Variants in NUP210L observed in about 807,000 individuals in gnomAD.
NUP210L encodes nucleoporin 210 like.
A neutral mutation model predicts 208.5 loss-of-function variants in NUP210L; 74 were observed. The ratio of observed to expected loss-of-function variants is 0.35; its 90% CI spans 0.29 to 0.43. The LOEUF (loss-of-function observed/expected upper bound fraction) is 0.43, where lower values mean the gene tolerates loss of function less well. NUP210L is among the 20% of genes least tolerant of loss of function. The pLI, the probability that NUP210L is intolerant of heterozygous loss-of-function variation, is 1.00. For synonymous variants in NUP210L, 780 were observed against 816.9 expected (o/e 0.95, Z 0.77); for missense variants, 1,843 against 2,289.4 (o/e 0.81, Z 3.98).
rs1421862889 is a variant in NUP210L at position 154,058,495 on chromosome 1, T to C, written c.2979+70A>G. ...ACACACACAGTAGCTGAGCAGAGACTATATTAAGGAATGCTGGGTAGTGAG... is the reference window on the plus strand; with the variant it reads ...ACACACACAGTAGCTGAGCAGAGACCATATTAAGGAATGCTGGGTAGTGAG... On this transcript the variant is annotated intron_variant, in intron 21 of 39. Transcript: ENST00000368559. The C allele has an allele frequency of 2.6e-6, 4 of 1,525,802 alleles. No individual in the cohort carries two copies. The East Asian group carries it at 9.0e-5, about 34-fold the overall frequency. 94.5% of individuals were successfully genotyped at this position (1,525,802 alleles called of 1,614,324 possible). A position where few individuals can be genotyped will look rare whatever the true frequency, so the allele number is the denominator to read the frequency against.
At chr1:154,058,016 A>C (rs1339370069) in intron 22 of NUP210L, 73 bp downstream of exon 22, 11 of 1,518,976 alleles carry the variant, frequency 7.2e-6, no homozygotes. Flanking sequence ...GGTAAGGGAA[A>C]GCTGACCAGG....
In NUP210L at chr1:154,149,087, C is replaced by CTTTTTTTTTTTTTTTTT. The variant is rs770217261; in HGVS notation, c.340+3648_340+3649insAAAAAAAAAAAAAAAAA. Among the ~76,000 whole-genome samples, 786 of 119,064 alleles carry CTTTTTTTTTTTTTTTTT rather than the reference C, an allele frequency of 6.6e-3. 44 individuals carry two copies. Among genetic ancestry groups the CTTTTTTTTTTTTTTTTT allele is most frequent in the Non-Finnish European group, 8.4e-3 (492 of 58,272 alleles). The allele number at this position is 119,064 out of a possible 152,430, so 78.1% of individuals were successfully genotyped here. ...ACTACTTCAACAGCAGAAAACTTCT[C>CTTTTTTTTTTTTTTTTT]TTTTTTTTTTTTCCTGAGAAGGAGT... is the stretch of plus-strand genomic sequence containing the variant. On this transcript the variant is annotated intron_variant, in intron 2 of 39. Transcript: ENST00000368559.
chr1:154,057,021 C>T, intron 22 of NUP210L, 74 bp from the exon 23 acceptor site: 1 of 1,473,316 alleles, frequency 6.8e-7, no homozygotes, highest in Non-Finnish European at 9.3e-7. Flanking sequence ...CTCTGTCGCC[C>T]AGGCTGGAGT....
At chr1:154,153,435 G>T (rs546273404) in intron 1 of NUP210L, among the ~76,000 whole-genome samples, 3 of 152,048 alleles carry the variant, frequency 2.0e-5, no homozygotes, top group Non-Finnish European at 4.4e-5. Flanking sequence ...TCAGCCTCTC[G>T]AGTAGCTGAG....
intron 27 of NUP210L, among the ~76,000 whole-genome samples, chr1:154,042,126 G>T (rs1652919549): frequency 6.6e-6 from 1 of 151,578 alleles, no homozygotes; most frequent in Non-Finnish European, 1.5e-5. Context: ...CTGAGACAGG[G>T]TCTCACTCTG....
At chr1:154,007,065 C>G (rs149762781) in intron 35 of NUP210L, among the ~76,000 whole-genome samples, 6 of 139,306 alleles carry the variant, frequency 4.3e-5, no homozygotes, top group Non-Finnish European at 7.7e-5. Flanking sequence ...CTATTTCAAT[C>G]GATTCTCCTG....
intron 13 of NUP210L, 97 bp downstream of exon 13, chr1:154,103,915 C>T: frequency 1.1e-6 from 1 of 921,122 alleles, no homozygotes; most frequent in Non-Finnish European, 1.6e-6. Context: ...TTGTTGATTG[C>T]TTCCTTAAAG....
intron 2 of NUP210L, among the ~76,000 whole-genome samples, chr1:154,150,727 CAAAA>C (rs1156928758): frequency 1.5e-4 from 6 of 39,666 alleles, no homozygotes; most frequent in Non-Finnish European, 5.7e-5. Context: ...GACTCCATCT[CAAAA>C]AAAAAAAAAA....
At chr1:154,075,681 T>C (rs1654996127) in intron 16 of NUP210L, among the ~76,000 whole-genome samples, 1 of 152,094 alleles carries the variant, frequency 6.6e-6, no homozygotes, top group Non-Finnish European at 1.5e-5. Context: ...CAAAAGATTA[T>C]TAGAAATGTA....
In NUP210L at chr1:154,056,773, A is replaced by T. The variant is rs756441829; in HGVS notation, c.3240+42T>A. The T allele has an allele frequency of 5.2e-6, 8 of 1,535,492 alleles. No homozygotes were observed. In the African/African-American group the frequency reaches 1.1e-4, roughly 22 times the overall value. Reference sequence around the variant, plus strand: ...TAACAGAAAAAGACAAATGATGTTAAGCAAGAAAAAGTACAAATTTTGGAT... The same window carrying T: ...TAACAGAAAAAGACAAATGATGTTATGCAAGAAAAAGTACAAATTTTGGAT... On this transcript the variant is annotated intron_variant, in intron 23 of 39. Transcript: ENST00000368559.
intron 35 of NUP210L, among the ~76,000 whole-genome samples, 153 bp downstream of exon 35, chr1:154,009,819 G>T (rs1650798851): frequency 6.7e-6 from 1 of 149,550 alleles, no homozygotes. Flanking sequence ...AGAAAAAAGA[G>T]TTGAACGGGT....
Position 154,117,723 on chromosome 1 carries a change from AC to A in NUP210L, c.1620+1del. 1.7e-5 allele frequency: 23 copies of A among 1,362,612 alleles called. No individual in the cohort carries two copies. Among genetic ancestry groups the A allele is most frequent in the Middle Eastern group, 1.9e-4 (1 of 5,214 alleles). The allele number at this position is 1,362,612 out of a possible 1,614,324, so 84.4% of individuals were successfully genotyped here. ...AATAAGAATATCTGGAGAGTCGTTT[AC>A]CTTAATTTCTCCATATCGAAAGGGA... On this transcript the variant is annotated splice_donor_variant, in intron 12 of 39. Coordinates refer to ENST00000368559, the Ensembl canonical transcript of NUP210L. LOFTEE classifies it high-confidence loss of function.
intron 23 of NUP210L, among the ~76,000 whole-genome samples, chr1:154,056,189 T>C (rs1326078060): frequency 3.3e-5 from 5 of 152,246 alleles, no homozygotes; most frequent in African/African-American, 9.6e-5. Flanking sequence ...TATCATTCTG[T>C]CACCCAGACT....
chr1:154,115,325 T>C (rs1237688674), intron 12 of NUP210L, among the ~76,000 whole-genome samples: 1 of 152,224 alleles, frequency 6.6e-6, no homozygotes, highest in African/African-American at 2.4e-5. Flanking sequence ...TTTAGACTTA[T>C]TGAGGCTACA....
rs901598171 is a variant in NUP210L, at chr1:154,000,756, G to A, written c.5386+100C>T. 3.0e-6 allele frequency: 3 copies of A among 1,004,962 alleles called. No homozygotes were observed. In the African/African-American group the frequency reaches 4.8e-5, roughly 16 times the overall value. The allele number at this position is 1,004,962 out of a possible 1,614,324, so 62.3% of individuals were successfully genotyped here. A position where few individuals can be genotyped will look rare whatever the true frequency, so the allele number is the denominator to read the frequency against. On this transcript the variant is annotated intron_variant, in intron 37 of 39. Transcript: ENST00000368559. ...TTTTTGGACCGTGGTTGACAGTTAAGTGAAATGCGGAAAGCAAAACTGCAG... is the reference window on the plus strand; with the variant it reads ...TTTTTGGACCGTGGTTGACAGTTAAATGAAATGCGGAAAGCAAAACTGCAG...
chr1:154,075,311 C>G (rs1172521753), intron 16 of NUP210L, among the ~76,000 whole-genome samples: 1 of 152,090 alleles, frequency 6.6e-6, no homozygotes, highest in African/African-American at 2.4e-5. Flanking sequence ...GACATACCCA[C>G]GTATACATAT....
At chr1:154,122,678 C>T (rs964953667) in intron 10 of NUP210L, among the ~76,000 whole-genome samples, 2 of 152,052 alleles carry the variant, frequency 1.3e-5, no homozygotes, top group African/African-American at 4.8e-5. Context: ...CAGAAAATAA[C>T]AAGTGTTGAC....
At chr1:154,118,831 G>C in intron 10 of NUP210L, 23 bp from the exon 11 acceptor site, 1 of 1,439,678 alleles carries the variant, frequency 6.9e-7, no homozygotes, top group Non-Finnish European at 9.6e-7. Flanking sequence ...GAAAAAAGGA[G>C]CAAAATATAT....
rs911851395 is a variant in NUP210L, at chr1:154,018,783, T to A, written c.4653+150A>T. 79 of 818,198 alleles carry A rather than the reference T, an allele frequency of 9.7e-5. No homozygotes were observed. In the African/African-American group the frequency reaches 1.3e-3, roughly 14 times the overall value. The allele number at this position is 818,198 out of a possible 1,614,324, so 50.7% of individuals were successfully genotyped here. A position where few individuals can be genotyped will look rare whatever the true frequency, so the allele number is the denominator to read the frequency against. On this transcript the variant is annotated intron_variant, in intron 33 of 39. Coordinates refer to ENST00000368559, the Ensembl canonical transcript of NUP210L. ...GCTGGTTAAGAATCCTGAACACTGT[T>A]TAGCTTTGTGTTCCAGTAAAGTTTG...
Sources: allele counts gnomAD v4.1 joint callset (sites outside exome capture counted in the v4.1 genomes callset), GRCh38; gene constraint gnomAD v4.1.1; transcripts MANE v1.5; gene names NCBI Gene and HGNC (gene_info 2026-07-23, HGNC 2026-07-21).